Variants in KRT33A observed in about 807,000 individuals in gnomAD.
KRT33A encodes the protein keratin, type I cuticular Ha3-I.
KRT33A carries 44 observed loss-of-function variants against 41.1 expected under a neutral mutation model. The observed-to-expected ratio is 1.07, with a 90% CI of 0.84 to 1.38. The LOEUF (loss-of-function observed/expected upper bound fraction) is 1.38. Among genes scored for constraint, KRT33A ranks in the 40% most tolerant of loss-of-function variants. The probability of loss-of-function intolerance (pLI) is 0.00; values close to 1 mark genes in which losing one functional copy is unlikely to be tolerated. For synonymous variants in KRT33A, 229 were observed against 227.8 expected (o/e 1.01, Z -0.05); for missense variants, 536 against 518.5 (o/e 1.03, Z -0.33).
intron 1 of KRT33A, 65 bp downstream of exon 1, chr17:41,350,355 C>G: frequency 6.4e-7 from 1 of 1,557,946 alleles, no homozygotes; most frequent in Non-Finnish European, 8.7e-7. Flanking sequence ...CGTTGTTTCT[C>G]AATCACAACT....
At chr17:41,347,281 A>T in intron 3 of KRT33A, 59 bp from the exon 4 acceptor site, 5 of 1,514,984 alleles carry the variant, frequency 3.3e-6, no homozygotes, top group Non-Finnish European at 3.5e-6. Context: ...TCTCCTTAAG[A>T]GAATGCAATT....
At chr17:41,349,093 G>A (rs960272938) in intron 2 of KRT33A, among the ~76,000 whole-genome samples, 6 of 152,100 alleles carry the variant, frequency 3.9e-5, no homozygotes, top group African/African-American at 1.4e-4. Context: ...AACATCGGGG[G>A]CCAACACGTC....
chr17:41,348,449 C>T (rs752177788), intron 3 of KRT33A, 34 bp downstream of exon 3: 1 of 1,612,502 alleles, frequency 6.2e-7, no homozygotes, highest in Non-Finnish European at 8.5e-7. Context: ...CAGGTCCTGG[C>T]TAGTCTGAGC....
chr17:41,350,269 G>A, intron 1 of KRT33A, 151 bp downstream of exon 1: 1 of 832,244 alleles, frequency 1.2e-6, no homozygotes, highest in Non-Finnish European at 1.9e-6. Flanking sequence ...ACAGTCCCAA[G>A]TCTAGTATTA....
At position 41,346,186 on chromosome 17, in the gene KRT33A, C is replaced by T. The variant is rs746380801; in HGVS notation, c.1148G>A (p.Gly383Glu). Residue 383 changes from glycine to glutamate, a missense_variant, in exon 7 of 7, where the codon GGG becomes GAG. Gly to Glu is a moderately conservative substitution (Grantham distance 98, BLOSUM62 -2). Transcript: ENST00000007735. The part of the protein sequence containing the change: ...ATTNACDKST[G>E]PCISNPCGLR... ...GCCACAGGGATTAGAGATACAGGGC[C>T]CAGTGGACTTGTCACATGCATTGGT... 1.9e-6 allele frequency: 3 copies of T among 1,614,052 alleles called. No individual in the cohort carries two copies. The highest frequency in any genetic ancestry group is 1.1e-5 in the South Asian group (1 of 91,068).
chr17:41,348,741 G>T, intron 2 of KRT33A, 102 bp from the exon 3 acceptor site: 1 of 1,222,100 alleles, frequency 8.2e-7, no homozygotes. Context: ...AGGGTTTGTA[G>T]TTTTTATAGC....
In KRT33A at chr17:41,348,593, T is replaced by G. The variant is rs1370534857; in HGVS notation, c.478A>C (p.Asn160His). 6.2e-7 allele frequency: 1 copy of G among 1,614,014 alleles called. No homozygotes were observed. Among genetic ancestry groups the G allele is most frequent in the East Asian group, 2.2e-5 (1 of 44,858 alleles). The stretch of plus-strand genomic sequence containing the variant: ...TCATCCAGGATCCTGCGCAGGCCAT[T>G]GATGTCCGACTCCACCAGCTGCCGC... ...SLRQLVESDI[N>H]GLRRILDELT... The change falls in exon 3 of 7, where the codon AAT becomes CAT. Residue 160 changes from asparagine to histidine, a missense_variant. Asn to His is a moderately conservative substitution (Grantham distance 68). Coordinates refer to ENST00000007735, the MANE Select transcript of KRT33A (RefSeq NM_004138.4).
chr17:41,347,686 T>C (rs1034161870), intron 3 of KRT33A, among the ~76,000 whole-genome samples: 2 of 152,252 alleles, frequency 1.3e-5, no homozygotes, highest in Non-Finnish European at 1.5e-5. Flanking sequence ...GGGTGATTTG[T>C]TGATTCCACC....
intron 3 of KRT33A, among the ~76,000 whole-genome samples, chr17:41,348,165 A>G (rs920358610): frequency 6.6e-6 from 1 of 152,196 alleles, no homozygotes; most frequent in African/African-American, 2.4e-5. Flanking sequence ...TCCAGCTACA[A>G]ATGGAGAATT....
intron 5 of KRT33A, 26 bp from the exon 6 acceptor site, chr17:41,346,694 C>G: frequency 6.2e-7 from 1 of 1,613,780 alleles, no homozygotes; most frequent in South Asian, 1.1e-5. Context: ...TTGAGAGTGT[C>G]AGAGAGCTGC....
chr17:41,346,280 T>C, intron 6 of KRT33A, 44 bp from the exon 7 acceptor site: 3 of 1,594,180 alleles, frequency 1.9e-6, no homozygotes, highest in Non-Finnish European at 2.6e-6. Context: ...TAAAATGAGC[T>C]GAAGAGATTG....
chr17:41,349,433 A>T lies in KRT33A; in HGVS notation c.349-5T>A, dbSNP rs754031303. Reference sequence around the variant, plus strand: ...CTCAGACTTGCTGCACAGGATCTAGAAGGCCCAAAACATTCAAGAATGAGC... The same window carrying T: ...CTCAGACTTGCTGCACAGGATCTAGTAGGCCCAAAACATTCAAGAATGAGC... On this transcript the variant is annotated splice_region_variant and splice_polypyrimidine_tract_variant and intron_variant, in intron 1 of 6. Transcript: ENST00000007735. 3 of 1,614,092 alleles carry T rather than the reference A, an allele frequency of 1.9e-6. No homozygotes were observed. In the South Asian group the frequency reaches 3.3e-5, roughly 18 times the overall value.
chr17:41,348,355 A>G, intron 3 of KRT33A, 128 bp downstream of exon 3: 1 of 924,740 alleles, frequency 1.1e-6, no homozygotes. Context: ...TTCTCTACAT[A>G]TCCCTTTTTG....
chr17:41,346,650 T>A lies in KRT33A; in HGVS notation c.895A>T (p.Thr299Ser), dbSNP rs746014469. ...QHNLRDSLEN[T>S]LTESEARYSS... ...TAGCGGGCCTCGCTCTCTGTCAGCG[T>A]GTTTTCCAGAGAGTCTCGCTGTGGT... Residue 299 changes from threonine to serine, a missense_variant, in exon 6 of 7, where the codon ACG (threonine) becomes TCG (serine). Thr to Ser is a moderately conservative substitution (Grantham distance 58). Coordinates refer to ENST00000007735, the MANE Select transcript of KRT33A (RefSeq NM_004138.4). 1 of 1,614,210 alleles carries A rather than the reference T, an allele frequency of 6.2e-7. No individual in the cohort carries two copies. Among genetic ancestry groups the A allele is most frequent in the Admixed American group, 1.7e-5 (1 of 60,032 alleles).
At position 41,350,565 on chromosome 17, in the gene KRT33A, G is replaced by C. The variant is rs774829080; in HGVS notation, c.203C>G (p.Ala68Gly). The C allele has an allele frequency of 5.6e-6, 9 of 1,613,818 alleles. No individual in the cohort carries two copies. The highest frequency in any genetic ancestry group is 6.8e-6 in the Non-Finnish European group (8 of 1,180,056). The change falls in exon 1 of 7, where the codon GCC (alanine) becomes GGC (glycine). Residue 68 changes from alanine (A) to glycine (G), a missense_variant. Coordinates refer to ENST00000007735, the MANE Select transcript of KRT33A (RefSeq NM_004138.4). ...ETMQFLNDRL[A>G]SYLEKVRQLE... Reference sequence around the variant, plus strand: ...CTGACGCACCTTCTCCAGGTAGCTGGCCAGGCGGTCGTTCAGGAACTGCAT... The same window carrying C: ...CTGACGCACCTTCTCCAGGTAGCTGCCCAGGCGGTCGTTCAGGAACTGCAT...
At position 41,347,132 on chromosome 17, in the gene KRT33A, C is replaced by T; in HGVS notation, c.679G>A (p.Glu227Lys). 6 of 1,614,232 alleles carry T rather than the reference C, an allele frequency of 3.7e-6. No homozygotes were observed. The highest frequency in any genetic ancestry group is 1.1e-5 in the South Asian group (1 of 91,088). ...PTVDLNQVLN[E>K]TRSQYEALVE... is the part of the protein sequence containing the mutation. ...AGGGCCTCATACTGACTCCTGGTCTCATTCAGGACCTGGTTCAGGTCCACA... is the reference window on the plus strand; with the variant it reads ...AGGGCCTCATACTGACTCCTGGTCTTATTCAGGACCTGGTTCAGGTCCACA... The change falls in exon 4 of 7, where the codon GAG becomes AAG. Residue 227 changes from glutamate (E) to lysine (K), a missense_variant. Transcript: ENST00000007735.
Position 41,350,700 on chromosome 17 carries a change from G to T in KRT33A, c.68C>A (p.Pro23His). 6.2e-7 allele frequency: 1 copy of T among 1,612,208 alleles called. No homozygotes were observed. Reference sequence around the variant, plus strand: ...CAGGGTGCAGCCGTGGCAGCTGGGGGGCACACAGGGCCGGGAGGAGCAGCT... The same window carrying T: ...CAGGGTGCAGCCGTGGCAGCTGGGGTGCACACAGGGCCGGGAGGAGCAGCT... ...RTSCSSRPCV[P>H]PSCHGCTLPG... The change falls in exon 1 of 7, where the codon CCC becomes CAC. Residue 23 changes from proline to histidine, a missense_variant. Physicochemically the swap from Pro to His is moderately conservative, Grantham distance 77. Coordinates refer to ENST00000007735, the MANE Select transcript of KRT33A (RefSeq NM_004138.4).
intron 2 of KRT33A, 24 bp downstream of exon 2, chr17:41,349,322 G>A (rs1389023730): frequency 6.2e-7 from 1 of 1,611,200 alleles, no homozygotes; most frequent in African/African-American, 1.3e-5. Context: ...GAAATAAACA[G>A]CAACACCCCG....
At chr17:41,346,766 T>A (rs2144262882) in intron 5 of KRT33A, 78 bp downstream of exon 5, 1 of 1,608,522 alleles carries the variant, frequency 6.2e-7, no homozygotes, top group Non-Finnish European at 8.5e-7. Context: ...CTAAGGAGAG[T>A]GTGTGGCCCC....
Sources: allele counts gnomAD v4.1 joint callset (sites outside exome capture counted in the v4.1 genomes callset), GRCh38; gene constraint gnomAD v4.1.1; transcripts MANE v1.5; gene names NCBI Gene and HGNC (gene_info 2026-07-23, HGNC 2026-07-21).